CPNE4: variants seen among roughly 807,000 people sequenced by gnomAD.
CPNE4 encodes copine 4, also known as copine-4.
A neutral mutation model predicts 67.9 loss-of-function variants in CPNE4; 25 were observed. The ratio of observed to expected loss-of-function variants is 0.37; its 90% CI spans 0.27 to 0.51. The LOEUF (loss-of-function observed/expected upper bound fraction) is 0.51. Ranked by LOEUF, CPNE4 falls within the 20% of genes least tolerant of loss-of-function variation. The probability of loss-of-function intolerance (pLI) is 0.93; values close to 1 mark genes in which losing one functional copy is unlikely to be tolerated. For synonymous variants in CPNE4, 242 were observed against 244.9 expected, an observed-to-expected ratio of 0.99 and a Z score of 0.11; for missense variants, 464 against 690.8, an observed-to-expected ratio of 0.67 and a Z score of 3.68.
intron 3 of CPNE4, among the ~76,000 whole-genome samples, chr3:131,704,667 C>G (rs922738409): frequency 2.0e-5 from 3 of 152,180 alleles, no homozygotes; most frequent in Admixed American, 2.0e-4. Flanking sequence ...ATGTGGAACA[C>G]TTAATGCTAA....
chr3:131,552,588 C>A (rs767552134), intron 12 of CPNE4, 97 bp from the exon 13 acceptor site: 138 of 898,038 alleles, frequency 1.5e-4, no homozygotes, highest in Non-Finnish European at 2.3e-4. Flanking sequence ...CAAACAAATG[C>A]CCATTATATT....
intron 3 of CPNE4, among the ~76,000 whole-genome samples, chr3:131,703,164 AC>A (rs771077710): frequency 1.3e-5 from 2 of 152,188 alleles, no homozygotes; most frequent in Non-Finnish European, 2.9e-5. Context: ...TAGCAACTGC[AC>A]CCAGCTCAAA....
In CPNE4 at chr3:131,538,138, C is replaced by CA. The variant is rs370583007; in HGVS notation, c.1540-2810dup. On this transcript the variant is annotated intron_variant, in intron 15 of 15. Coordinates refer to ENST00000429747, the MANE Select transcript of CPNE4 (RefSeq NM_130808.3). Reference sequence around the variant, plus strand: ...AAGATGGATTTACTGTTGCTTGCAGCAAAAAATATTCCTAAACCAGGCTGT... The same window carrying CA: ...AAGATGGATTTACTGTTGCTTGCAGCAAAAAAATATTCCTAAACCAGGCTGT... Among the ~76,000 whole-genome samples the CA allele has an allele frequency of 1.2e-4, 18 of 152,276 alleles. 1 individual carries two copies. Among genetic ancestry groups the CA allele is most frequent in the African/African-American group, 4.1e-4 (17 of 41,550 alleles).
At chr3:132,030,927 C>T (rs997182290) in intron 1 of CPNE4, among the ~76,000 whole-genome samples, 1 of 152,160 alleles carries the variant, frequency 6.6e-6, no homozygotes, top group African/African-American at 2.4e-5. Context: ...AAAGATGATG[C>T]ATCTTACCTG....
At chr3:131,664,064 G>C (rs2080199149) in intron 7 of CPNE4, among the ~76,000 whole-genome samples, 1 of 152,146 alleles carries the variant, frequency 6.6e-6, no homozygotes, top group Non-Finnish European at 1.5e-5. Context: ...ACTTTGTGTA[G>C]GGGAAAGTAT....
At chr3:131,885,342 T>G (rs1400352128) in intron 2 of CPNE4, among the ~76,000 whole-genome samples, 1 of 151,642 alleles carries the variant, frequency 6.6e-6, no homozygotes, top group African/African-American at 2.4e-5. Context: ...TTTCTTTTTT[T>G]TTTTTTCTGT....
chr3:131,753,944 A>T (rs527701375), intron 2 of CPNE4, among the ~76,000 whole-genome samples: 1 of 152,266 alleles, frequency 6.6e-6, no homozygotes, highest in Admixed American at 6.5e-5. Flanking sequence ...ACCCCTTAGA[A>T]ATAAAACCAC....
At chr3:131,800,618 A>AT (rs2084066308) in intron 2 of CPNE4, among the ~76,000 whole-genome samples, 1 of 152,128 alleles carries the variant, frequency 6.6e-6, no homozygotes, top group African/African-American at 2.4e-5. Flanking sequence ...ACTGCTCCTG[A>AT]TGTTGTCCAT....
intron 1 of CPNE4, among the ~76,000 whole-genome samples, chr3:132,007,503 T>C (rs747499472): frequency 6.6e-6 from 1 of 152,160 alleles, no homozygotes; most frequent in Non-Finnish European, 1.5e-5. Flanking sequence ...AAATGAGACG[T>C]GTGTGTGAAA....
intron 6 of CPNE4, among the ~76,000 whole-genome samples, chr3:131,678,896 T>C (rs1192951779): frequency 1.3e-5 from 2 of 152,200 alleles, no homozygotes; most frequent in Admixed American, 6.5e-5. Context: ...TTTTCTTTTT[T>C]TGTTGTTGTG....
chr3:131,715,469 C>T (rs897223475), intron 3 of CPNE4, among the ~76,000 whole-genome samples: 2 of 152,210 alleles, frequency 1.3e-5, no homozygotes, highest in African/African-American at 4.8e-5. Flanking sequence ...AAAGATTATA[C>T]AGGGCTTTGG....
intron 2 of CPNE4, among the ~76,000 whole-genome samples, chr3:131,837,114 A>G (rs1031504145): frequency 6.6e-6 from 1 of 152,162 alleles, no homozygotes; most frequent in Non-Finnish European, 1.5e-5. Flanking sequence ...TTGATCTCTC[A>G]TGTACTGTTG....
chr3:131,958,436 T>G (rs1167350841), intron 1 of CPNE4, among the ~76,000 whole-genome samples: 2 of 151,934 alleles, frequency 1.3e-5, no homozygotes. Flanking sequence ...ACTGTGACTA[T>G]GGAGCCCAGG....
intron 6 of CPNE4, among the ~76,000 whole-genome samples, chr3:131,682,967 G>A (rs7627915): frequency 0.87 from 131,544 of 151,962 alleles, 57,018 homozygotes; most frequent in East Asian, 0.97. Context: ...CGTTCACTCA[G>A]GGCCCAAATA....
chr3:131,636,140 A>T (rs1181757052), intron 7 of CPNE4, among the ~76,000 whole-genome samples: 1 of 151,140 alleles, frequency 6.6e-6, no homozygotes, highest in Non-Finnish European at 1.5e-5. Context: ...GAATCCACAG[A>T]CCCTTTGAAG....
intron 7 of CPNE4, among the ~76,000 whole-genome samples, chr3:131,603,322 T>C (rs1939312256): frequency 6.6e-6 from 1 of 152,178 alleles, no homozygotes; most frequent in African/African-American, 2.4e-5. Context: ...TCTTACAGTC[T>C]AGTGGTAAAA....
intron 3 of CPNE4, among the ~76,000 whole-genome samples, chr3:131,717,846 C>CTTCCTTGCTCCCTTTCT (rs1553758794): frequency 2.5e-5 from 1 of 40,124 alleles, no homozygotes; most frequent in African/African-American, 1.0e-4. Context: ...TCCTTCCTTC[C>CTTCCTTGCTCCCTTTCT]TTCCTCGCTC....
intron 2 of CPNE4, among the ~76,000 whole-genome samples, chr3:131,893,802 G>T (rs2088213030): frequency 1.3e-5 from 2 of 151,920 alleles, no homozygotes; most frequent in South Asian, 4.2e-4. Flanking sequence ...AAAACCTGTG[G>T]AATGCAGCAA....
At position 132,034,680 on chromosome 3, in the gene CPNE4, T is replaced by G. The variant is rs187394884; in HGVS notation, c.-115A>C. On this transcript the variant is annotated 5_prime_UTR_variant, in exon 1 of 16. Transcript: ENST00000429747. ...GTGGAGGTGGTTGGTGTGGTAGTTT[T>G]GTACTGATGTAAGGGGCGTCGCACC... is the stretch of plus-strand genomic sequence containing the variant. The G allele has an allele frequency of 3.1e-4, 301 of 985,360 alleles. 8 individuals carry two copies. The Admixed American group carries it at 1.0e-2, about 33-fold the overall frequency. 61.0% of individuals were successfully genotyped at this position (985,360 alleles called of 1,614,324 possible). A position where few individuals can be genotyped will look rare whatever the true frequency, so the allele number is the denominator to read the frequency against.
Sources: gnomAD v4.1 joint callset for allele counts (sites outside exome capture counted in the v4.1 genomes callset) on GRCh38, gnomAD v4.1.1 for gene constraint, MANE v1.5 for transcripts, NCBI Gene and HGNC (gene_info 2026-07-23, HGNC 2026-07-21) for gene names.